Variants in MRPS26 observed in about 807,000 individuals in gnomAD.
MRPS26 encodes the protein mitochondrial ribosomal protein S26.
In MRPS26, 26 loss-of-function variants were observed where a neutral mutation model predicts 22.7. That is an observed-to-expected ratio of 1.15 (90% CI 0.84 to 1.59). The LOEUF (loss-of-function observed/expected upper bound fraction) is 1.59. Among genes scored for constraint, MRPS26 ranks in the 40% most tolerant of loss-of-function variants. The pLI is 0.00. For missense variants in MRPS26, 291 were observed against 287.7 expected, an observed-to-expected ratio of 1.01 and a Z score of -0.08; for synonymous variants, 120 against 124.0, an observed-to-expected ratio of 0.97 and a Z score of 0.22.
intron 3 of MRPS26, 67 bp from the exon 4 acceptor site, chr20:3,047,668 C>T (rs1459741935): frequency 1.3e-6 from 2 of 1,599,476 alleles, no homozygotes; most frequent in African/African-American, 2.7e-5. Flanking sequence ...GAGAGGCCAG[C>T]AGGCTGGGTG....
rs1043642160 is a variant in MRPS26 at position 3,046,443 on chromosome 20, G to A, written c.283G>A (p.Ala95Thr). ...ARAGVLAERK[A>T]LKDAAEHREL... The stretch of plus-strand genomic sequence containing the variant: ...AGCCGGGGTTCTGGCGGAGCGCAAG[G>A]CCCTGAAGGACGCCGCCGAGCACCG... Residue 95 changes from alanine (A) to threonine (T), a missense_variant, in exon 2 of 4, where the codon GCC (alanine) becomes ACC (threonine). Ala to Thr is a moderately conservative substitution (Grantham distance 58). Transcript: ENST00000380325. The A allele has an allele frequency of 6.2e-7, 1 of 1,601,828 alleles. No homozygotes were observed. The highest frequency in any genetic ancestry group is 8.5e-7 in the Non-Finnish European group (1 of 1,176,848).
chr20:3,046,259 G>A lies in MRPS26; in HGVS notation c.191G>A (p.Arg64His), dbSNP rs772691104. ...CTGATGGAGCGTTACCAGCACTACCGCCAGACCGTGCGCGCCCTCAGGTGT... is the reference window on the plus strand; with the variant it reads ...CTGATGGAGCGTTACCAGCACTACCACCAGACCGTGCGCGCCCTCAGGTGT... ...FVLMERYQHY[R>H]QTVRALRMEF... Residue 64 changes from arginine (R) to histidine (H), a missense_variant, in exon 1 of 4, where the codon CGC (arginine) becomes CAC (histidine). Arg to His is a conservative substitution (Grantham distance 29). Coordinates refer to ENST00000380325, the MANE Select transcript of MRPS26 (RefSeq NM_030811.4). The A allele has an allele frequency of 1.9e-6, 3 of 1,606,972 alleles. No homozygotes were observed. The highest frequency in any genetic ancestry group is 8.5e-7 in the Non-Finnish European group (1 of 1,179,418).
Sources: gnomAD v4.1 joint callset for allele counts on GRCh38, gnomAD v4.1.1 for gene constraint, MANE v1.5 for transcripts, NCBI Gene and HGNC (gene_info 2026-07-23, HGNC 2026-07-21) for gene names.